Variants in NFIA observed in about 807,000 individuals in gnomAD.
NFIA encodes nuclear factor 1 A-type.
In NFIA, 8 loss-of-function variants were observed where a neutral mutation model predicts 62.8. That is an observed-to-expected ratio of 0.13 (90% CI 0.07 to 0.23). NFIA has a LOEUF of 0.23. Ranked by LOEUF, NFIA falls within the 10% of genes least tolerant of loss-of-function variation. The pLI is 1.00. For synonymous variants in NFIA, 235 were observed against 238.1 expected, an observed-to-expected ratio of 0.99 and a Z score of 0.12; for missense variants, 410 against 642.1, an observed-to-expected ratio of 0.64 and a Z score of 3.91.
intron 1 of NFIA, among the ~76,000 whole-genome samples, 181 bp downstream of exon 1, chr1:61,082,999 G>C (rs1557551410): frequency 2.2e-5 from 3 of 134,010 alleles, no homozygotes; most frequent in Admixed American, 7.3e-5. Flanking sequence ...TGGGGGGGGG[G>C]ATCCCGCTTA....
At chr1:61,400,875 C>A (rs1388248257) in intron 7 of NFIA, among the ~76,000 whole-genome samples, 1 of 152,122 alleles carries the variant, frequency 6.6e-6, no homozygotes, top group Non-Finnish European at 1.5e-5. Context: ...ACAGTAAAAA[C>A]ATCCAAGATG....
chr1:61,078,974 C>G (rs1365058603), upstream of NFIA, among the ~76,000 whole-genome samples: 2 of 152,274 alleles, frequency 1.3e-5, no homozygotes, highest in Non-Finnish European at 2.9e-5. Context: ...CGTAGACACC[C>G]AATTCTGTTG....
At chr1:61,159,783 G>A (rs566480947) in intron 2 of NFIA, among the ~76,000 whole-genome samples, 1 of 148,776 alleles carries the variant, frequency 6.7e-6, no homozygotes, top group African/African-American at 2.5e-5. Flanking sequence ...CCGGGCTCAA[G>A]CAGTTCTCCT....
At chr1:61,419,817 T>G (rs76154210) in intron 9 of NFIA, among the ~76,000 whole-genome samples, 1 of 152,212 alleles carries the variant, frequency 6.6e-6, no homozygotes, top group Non-Finnish European at 1.5e-5. Flanking sequence ...TCATTAGCTT[T>G]TCAGGAAGGA....
chr1:61,367,135 G>A (rs1663633096), intron 6 of NFIA, among the ~76,000 whole-genome samples: 1 of 152,174 alleles, frequency 6.6e-6, no homozygotes, highest in Non-Finnish European at 1.5e-5. Context: ...GTTAGTCATT[G>A]TAATTTTAAA....
intron 10 of NFIA, among the ~76,000 whole-genome samples, chr1:61,447,901 G>C (rs1667890170): frequency 1.3e-5 from 2 of 152,120 alleles, no homozygotes; most frequent in African/African-American, 4.8e-5. Flanking sequence ...TGTCTTGAAT[G>C]AATGAAAGAA....
rs1646126881 is a variant in NFIA, at chr1:61,082,577, T to C, written c.-215T>C. ...ACTCTAGGCGGGGTTAAAGTTCAGC[T>C]CATGGAGCGGCAATAGCGCTGGCTG... On this transcript the variant is annotated 5_prime_UTR_variant, in exon 1 of 11. Transcript: ENST00000403491. 2.0e-6 allele frequency: 3 copies of C among 1,473,246 alleles called. No individual in the cohort carries two copies. The African/African-American group carries it at 4.3e-5, about 21-fold the overall frequency. 91.3% of individuals were successfully genotyped at this position (1,473,246 alleles called of 1,614,324 possible). A position where few individuals can be genotyped will look rare whatever the true frequency, so the allele number is the denominator to read the frequency against.
rs1553168479 is a variant in NFIA at position 61,283,596 on chromosome 1, A to AAAAAAAAGAAG, written c.625+6018_625+6019insGAAGAAAAAAA. Among the ~76,000 whole-genome samples, 3 of 146,024 alleles carry AAAAAAAAGAAG rather than the reference A, an allele frequency of 2.1e-5. 1 individual carries two copies. The highest frequency in any genetic ancestry group is 7.4e-5 in the African/African-American group (3 of 40,658). On this transcript the variant is annotated intron_variant, in intron 3 of 10. Transcript: ENST00000403491. ...GACTCTGTCTCAAAAAAAAAAAAAAAAAAAAAAAAAAAGATTTATGTGTAG... is the reference window on the plus strand; with the variant it reads ...GACTCTGTCTCAAAAAAAAAAAAAAAAAAAAAAGAAGAAAAAAAAAAAAGATTTATGTGTAG...
chr1:61,281,008 C>T (rs1253067821), intron 3 of NFIA, among the ~76,000 whole-genome samples: 2 of 152,118 alleles, frequency 1.3e-5, no homozygotes, highest in African/African-American at 4.8e-5. Flanking sequence ...CTTTGGGAGG[C>T]TGAGGTGAGT....
chr1:61,402,239 C>T (rs531314440), intron 7 of NFIA, among the ~76,000 whole-genome samples: 12 of 151,752 alleles, frequency 7.9e-5, no homozygotes, highest in African/African-American at 1.2e-4. Context: ...GGGGTTTCAC[C>T]GTGTTACCCA....
intron 3 of NFIA, among the ~76,000 whole-genome samples, chr1:61,305,887 G>A (rs577486220): frequency 7.2e-6 from 1 of 139,496 alleles, no homozygotes; most frequent in Non-Finnish European, 1.5e-5. Context: ...TCACTCTGTC[G>A]CCCAGGCCGA....
intron 10 of NFIA, among the ~76,000 whole-genome samples, chr1:61,438,645 G>A (rs1035348142): frequency 2.0e-5 from 3 of 152,008 alleles, no homozygotes; most frequent in Non-Finnish European, 4.4e-5. Flanking sequence ...CCAGTTTCTC[G>A]TTGTAAGGAT....
chr1:61,176,932 G>A (rs1410261715), intron 2 of NFIA, among the ~76,000 whole-genome samples: 48 of 151,918 alleles, frequency 3.2e-4, no homozygotes, highest in Non-Finnish European at 5.9e-5. Flanking sequence ...GTGAAACCCC[G>A]TCTCTACTAA....
intron 10 of NFIA, among the ~76,000 whole-genome samples, chr1:61,444,602 G>T (rs1471523972): frequency 6.6e-6 from 1 of 152,152 alleles, no homozygotes; most frequent in Admixed American, 6.5e-5. Context: ...TGATGCAGTA[G>T]AACAGGAAGT....
intron 2 of NFIA, among the ~76,000 whole-genome samples, chr1:61,130,867 T>C (rs184923845): frequency 1.4e-4 from 22 of 152,370 alleles, no homozygotes; most frequent in African/African-American, 5.0e-4. Context: ...TAATTTTAAG[T>C]GGTTCTACTA....
intron 2 of NFIA, chr1:61,250,052 A>G (rs1010105224): frequency 1.3e-5 from 2 of 152,086 alleles, no homozygotes; most frequent in African/African-American, 4.8e-5. Flanking sequence ...TTTCAAATCT[A>G]TTTTCCATAA....
Position 61,165,169 on chromosome 1 carries a change from A to G in NFIA, c.559+76489A>G, listed in dbSNP as rs1019506856. Among the ~76,000 whole-genome samples, 13 of 152,202 alleles carry G rather than the reference A, an allele frequency of 8.5e-5. No homozygotes were observed. The East Asian group carries it at 2.1e-3, about 25-fold the overall frequency. ...CATTTAATGTTATTTCTGTACTGCT[A>G]TATTACATTTTAATATATGAATTAC... On this transcript the variant is annotated intron_variant, in intron 2 of 10. Coordinates refer to ENST00000403491, the MANE Select transcript of NFIA (RefSeq NM_001134673.4).
At chr1:61,250,852 G>C (rs953861484) in intron 2 of NFIA, among the ~76,000 whole-genome samples, 1 of 152,170 alleles carries the variant, frequency 6.6e-6, no homozygotes, top group African/African-American at 2.4e-5. Flanking sequence ...GAAAAACTTT[G>C]TTGAAAAATC....
At chr1:61,304,844 A>G (rs2100336521) in intron 3 of NFIA, among the ~76,000 whole-genome samples, 1 of 152,356 alleles carries the variant, frequency 6.6e-6, no homozygotes, top group African/African-American at 2.4e-5. Flanking sequence ...AGGGAAAGTC[A>G]TAAACCTCCA....
Sources: gnomAD v4.1 joint callset for allele counts (sites outside exome capture counted in the v4.1 genomes callset) on GRCh38, gnomAD v4.1.1 for gene constraint, MANE v1.5 for transcripts, NCBI Gene and HGNC (gene_info 2026-07-23, HGNC 2026-07-21) for gene names.